ROBO1: variants seen among roughly 807,000 people sequenced by gnomAD.
The protein encoded by ROBO1 is roundabout guidance receptor 1.
ROBO1 carries 149 observed loss-of-function variants against 195.9 expected under a neutral mutation model. The ratio of observed to expected loss-of-function variants is 0.76; its 90% CI spans 0.67 to 0.87. The LOEUF is 0.87. Among genes scored for constraint, ROBO1 ranks in the 40% least tolerant of loss-of-function variants. The probability of loss-of-function intolerance (pLI) is 0.00; values close to 1 mark genes in which losing one functional copy is unlikely to be tolerated. For synonymous variants in ROBO1, 816 were observed against 733.2 expected, an observed-to-expected ratio of 1.11 and a Z score of -1.82; for missense variants, 1,933 against 2,068.3, an observed-to-expected ratio of 0.93 and a Z score of 1.27.
rs1337878316 is a variant in ROBO1 at position 79,361,856 on chromosome 3, A to G, written c.88+227968T>C. Among the ~76,000 whole-genome samples the G allele has an allele frequency of 2.0e-5, 3 of 152,154 alleles. No homozygotes were observed. In the East Asian group the frequency reaches 5.8e-4, roughly 29 times the overall value. On this transcript the variant is annotated intron_variant, in intron 2 of 30. Transcript: ENST00000464233. ...TAATTGTTGTATACCACAAAGATGC[A>G]TAATTAGAAAATTTTAATATTTAAA...
rs755117518 is a variant in ROBO1 at position 78,606,769 on chromosome 3, G to A, written c.4708C>T (p.Arg1570Ter). ...TGAGTCTTTGCTGGTGGAAGGTCTCGTTTTGCTGCCTTGTTTCCACGTCCT... is the reference window on the plus strand; with the variant it reads ...TGAGTCTTTGCTGGTGGAAGGTCTCATTTTGCTGCCTTGTTTCCACGTCCT... ...GKGRGNKAAK[R>*]DLPPAKTHLI... Residue 1570 changes from arginine to a stop codon, truncating the protein, a stop_gained, in exon 29 of 31, where the codon CGA (arginine) becomes TGA (stop). Transcript: ENST00000464233. LOFTEE classifies it high-confidence loss of function. The A allele has an allele frequency of 7.4e-6, 12 of 1,613,868 alleles. No homozygotes were observed. Among genetic ancestry groups the A allele is most frequent in the South Asian group, 1.1e-5 (1 of 91,082 alleles).
chr3:79,178,829 AG>A (rs1245542344), intron 2 of ROBO1, among the ~76,000 whole-genome samples: 1 of 152,226 alleles, frequency 6.6e-6, no homozygotes, highest in African/African-American at 2.4e-5. Flanking sequence ...ATAATGATGT[AG>A]CAGAGTTTGA....
intron 4 of ROBO1, among the ~76,000 whole-genome samples, chr3:78,886,898 C>G (rs774050760): frequency 6.6e-6 from 1 of 152,016 alleles, no homozygotes; most frequent in East Asian, 1.9e-4. Flanking sequence ...CAAGGAGATT[C>G]TGAGTTGCTG....
chr3:79,715,675 T>C (rs1702453650), intron 1 of ROBO1, among the ~76,000 whole-genome samples: 1 of 152,086 alleles, frequency 6.6e-6, no homozygotes, highest in Admixed American at 6.6e-5. Flanking sequence ...TGTATGTCTG[T>C]TTGCAGTGTT....
intron 5 of ROBO1, among the ~76,000 whole-genome samples, chr3:78,735,651 T>C (rs1014500640): frequency 2.0e-5 from 3 of 152,148 alleles, no homozygotes; most frequent in African/African-American, 7.2e-5. Context: ...TATTAAACCC[T>C]ATATATTTAA....
At chr3:78,946,136 G>C (rs958143589) in intron 3 of ROBO1, among the ~76,000 whole-genome samples, 1 of 152,108 alleles carries the variant, frequency 6.6e-6, no homozygotes, top group Non-Finnish European at 1.5e-5. Flanking sequence ...AATCTAGCAA[G>C]GCAGGCCAAC....
intron 2 of ROBO1, among the ~76,000 whole-genome samples, chr3:79,445,816 T>G (rs1486061393): frequency 6.6e-6 from 1 of 152,012 alleles, no homozygotes; most frequent in African/African-American, 2.4e-5. Context: ...CGCCCGCCAC[T>G]ACGCCCGGCT....
At chr3:79,305,743 G>A (rs2033188387) in intron 2 of ROBO1, among the ~76,000 whole-genome samples, 1 of 152,080 alleles carries the variant, frequency 6.6e-6, no homozygotes, top group South Asian at 2.1e-4. Flanking sequence ...CAAAATTTCG[G>A]TAGTAAGAGA....
At chr3:79,157,122 CTGTT>C (rs1264213161) in intron 2 of ROBO1, among the ~76,000 whole-genome samples, 1 of 151,806 alleles carries the variant, frequency 6.6e-6, no homozygotes, top group Non-Finnish European at 1.5e-5. Context: ...CTCTCTCTCT[CTGTT>C]TGTCTCTCTC....
intron 8 of ROBO1, among the ~76,000 whole-genome samples, chr3:78,691,278 T>G (rs941958628): frequency 6.6e-6 from 1 of 152,150 alleles, no homozygotes; most frequent in Admixed American, 6.5e-5. Flanking sequence ...ATTTTGGATT[T>G]TTTTTGAAAG....
intron 4 of ROBO1, among the ~76,000 whole-genome samples, chr3:78,764,783 T>C (rs189218362): frequency 6.6e-6 from 1 of 152,274 alleles, no homozygotes; most frequent in East Asian, 1.9e-4. Flanking sequence ...TGAATTTAGG[T>C]TGAAGACAAT....
intron 3 of ROBO1, among the ~76,000 whole-genome samples, chr3:79,122,280 A>G (rs1015627998): frequency 2.6e-5 from 4 of 152,034 alleles, no homozygotes; most frequent in East Asian, 1.9e-4. Flanking sequence ...GGGCCACTTC[A>G]CTGTAAATAA....
chr3:79,293,832 G>A (rs2032407522), intron 2 of ROBO1, among the ~76,000 whole-genome samples: 1 of 151,736 alleles, frequency 6.6e-6, no homozygotes, highest in Non-Finnish European at 1.5e-5. Flanking sequence ...GCCGAGGTGG[G>A]CGGATCACGA....
intron 30 of ROBO1, among the ~76,000 whole-genome samples, chr3:78,599,496 A>T (rs768842622): frequency 1.2e-4 from 19 of 152,166 alleles, no homozygotes; most frequent in Non-Finnish European, 2.4e-4. Flanking sequence ...CTTGAGTTTA[A>T]CTATATTTAT....
intron 2 of ROBO1, among the ~76,000 whole-genome samples, chr3:79,500,796 A>G (rs918574560): frequency 3.3e-5 from 5 of 152,226 alleles, no homozygotes; most frequent in Non-Finnish European, 7.3e-5. Context: ...AATGGGGGAT[A>G]AAGGGCTAAT....
At chr3:79,302,379 T>C (rs1031926856) in intron 2 of ROBO1, among the ~76,000 whole-genome samples, 5 of 152,212 alleles carry the variant, frequency 3.3e-5, no homozygotes, top group Non-Finnish European at 7.3e-5. Flanking sequence ...ATAACATTTG[T>C]TTCTATTTGG....
intron 28 of ROBO1, 119 bp from the exon 29 acceptor site, chr3:78,607,160 A>G (rs1559638571): frequency 3.0e-6 from 3 of 995,558 alleles, no homozygotes; most frequent in Non-Finnish European, 4.3e-6. Flanking sequence ...GATGAACTAG[A>G]ATACTTGAAG....
At chr3:78,677,139 C>G (rs977389640) in intron 10 of ROBO1, among the ~76,000 whole-genome samples, 1 of 152,114 alleles carries the variant, frequency 6.6e-6, no homozygotes, top group Non-Finnish European at 1.5e-5. Flanking sequence ...ATTTTGTCAC[C>G]ACCAGGCCTG....
chr3:79,546,024 C>T (rs1185375924), intron 2 of ROBO1, among the ~76,000 whole-genome samples: 2 of 152,016 alleles, frequency 1.3e-5, no homozygotes, highest in East Asian at 1.9e-4. Flanking sequence ...TGGCCCTCTT[C>T]AGTATGAATA....
Sources: allele counts gnomAD v4.1 joint callset (sites outside exome capture counted in the v4.1 genomes callset), GRCh38; gene constraint gnomAD v4.1.1; transcripts MANE v1.5; gene names NCBI Gene and HGNC (gene_info 2026-07-23, HGNC 2026-07-21).